The following GALNT9 variants were observed in gnomAD, a reference collection of about 807,000 sequenced individuals.
The protein encoded by GALNT9 is GalNAc transferase 9.
GALNT9 carries 47 observed loss-of-function variants against 63.1 expected under a neutral mutation model. The ratio of observed to expected loss-of-function variants is 0.75; its 90% confidence interval spans 0.59 to 0.95. GALNT9 has a LOEUF of 0.95. Ranked by LOEUF, GALNT9 falls within the 40% of genes least tolerant of loss-of-function variation. GALNT9 has a pLI of 0.00. For missense variants in GALNT9, 829 were observed against 874.8 expected, an observed-to-expected ratio of 0.95 and a Z score of 0.66; for synonymous variants, 396 against 365.7, an observed-to-expected ratio of 1.08 and a Z score of -0.94.
At chr12:132,254,139 G>A (rs28373060) in intron 5 of GALNT9, among the ~76,000 whole-genome samples, 19,517 of 151,372 alleles carry the variant, frequency 0.13, 2,440 homozygotes, top group African/African-American at 0.32. Flanking sequence ...CTCCTGCCTC[G>A]GCCTCCCAAG....
At chr12:132,312,994 A>G (rs1254329852) in intron 1 of GALNT9, among the ~76,000 whole-genome samples, 1 of 151,916 alleles carries the variant, frequency 6.6e-6, no homozygotes, top group African/African-American at 2.4e-5. Context: ...CCCTTTCTCA[A>G]TGCTTGTCTG....
At chr12:132,267,110 A>G (rs28461292) in intron 2 of GALNT9, among the ~76,000 whole-genome samples, 17,818 of 152,148 alleles carry the variant, frequency 0.12, 3,459 homozygotes, top group African/African-American at 0.4. Context: ...GAGGGATGGA[A>G]GTGGGAAAAG....
chr12:132,306,901 G>A (rs1881637651), intron 1 of GALNT9, among the ~76,000 whole-genome samples: 2 of 152,176 alleles, frequency 1.3e-5, no homozygotes, highest in African/African-American at 2.4e-5. Context: ...GGAGCGCACT[G>A]TTCTAATTAC....
chr12:132,291,324 A>AACCACAGCACCCACG (rs1880824425), intron 1 of GALNT9, among the ~76,000 whole-genome samples: 1 of 65,772 alleles, frequency 1.5e-5, no homozygotes, highest in African/African-American at 9.6e-5. Flanking sequence ...CAGCACCCAC[A>AACCACAGCACCCACG]TCCACAGCAC....
chr12:132,291,674 C>T (rs76222564), intron 1 of GALNT9, among the ~76,000 whole-genome samples: 15,432 of 105,472 alleles, frequency 0.15, 956 homozygotes, highest in African/African-American at 0.27. Flanking sequence ...CCCACATCCA[C>T]GGTGCCCACA....
At chr12:132,243,589 G>A (rs1555237723) in intron 6 of GALNT9, among the ~76,000 whole-genome samples, 2 of 152,102 alleles carry the variant, frequency 1.3e-5, no homozygotes, top group African/African-American at 4.8e-5. Flanking sequence ...GGAGACCCCA[G>A]TTCTATTTCT....
chr12:132,225,071 A>C (rs1303423427), intron 6 of GALNT9, among the ~76,000 whole-genome samples: 125 of 91,404 alleles, frequency 1.4e-3, no homozygotes, highest in African/African-American at 4.3e-3. Flanking sequence ...CCACCCCCCC[A>C]CACACAACCC....
At chr12:132,251,301 T>A (rs1279047222) in intron 5 of GALNT9, among the ~76,000 whole-genome samples, 5 of 152,220 alleles carry the variant, frequency 3.3e-5, no homozygotes, top group African/African-American at 1.2e-4. Context: ...AAAGTTAAAA[T>A]TAAAACTGGA....
chr12:132,197,662 G>T lies in GALNT9; in HGVS notation c.1665+130C>A, dbSNP rs11246984. ...TAAGGGAACAGCTGATCCAAGGCCC[G>T]GTCCCCTGACCACCCCCTGCCGCAC... is the stretch of plus-strand genomic sequence containing the variant. On this transcript the variant is annotated intron_variant, in intron 10 of 10. Coordinates refer to ENST00000328957, the MANE Select transcript of GALNT9 (RefSeq NM_001122636.2). The T allele has an allele frequency of 8.2e-4, 582 of 710,590 alleles. 4 individuals carry two copies. The highest frequency in any genetic ancestry group is 2.5e-3 in the Admixed American group (98 of 39,434). The allele number at this position is 710,590 out of a possible 1,614,324, so 44.0% of individuals were successfully genotyped here.
In GALNT9 at chr12:132,316,557, C is replaced by T. The variant is rs1020701238; in HGVS notation, c.238+12409G>A. ...TAACCACCTGTGCTCAGGGAATGGC[C>T]GTCTGAGGTGCGAGGTGCTGCCAGG... On this transcript the variant is annotated intron_variant, in intron 1 of 10. Coordinates refer to ENST00000328957, the MANE Select transcript of GALNT9 (RefSeq NM_001122636.2). This position sits in a 1 kb window ranked among gnomAD's most constrained non-coding sequence, Gnocchi z 4.3. Among the ~76,000 whole-genome samples the T allele has an allele frequency of 6.6e-6, 1 of 152,062 alleles. No homozygotes were observed. The highest frequency in any genetic ancestry group is 1.5e-5 in the Non-Finnish European group (1 of 67,992).
At chr12:132,256,766 T>C (rs1297737976) in intron 5 of GALNT9, among the ~76,000 whole-genome samples, 1 of 152,194 alleles carries the variant, frequency 6.6e-6, no homozygotes, top group Non-Finnish European at 1.5e-5. Flanking sequence ...TTCACAGTCC[T>C]GCCAGCCATG....
At chr12:132,243,291 GGGGCCCTCCCTATACCCATTACACACACA>G (rs1878526895) in intron 6 of GALNT9, among the ~76,000 whole-genome samples, 89 of 101,466 alleles carry the variant, frequency 8.8e-4, no homozygotes, top group African/African-American at 3.7e-3. Context: ...CACACTTCCC[GGGGCCCTCCCTATACCCATTACACACACA>G]CCACACACCC....
At chr12:132,243,911 G>A (rs1555237768) in intron 6 of GALNT9, among the ~76,000 whole-genome samples, 1 of 151,978 alleles carries the variant, frequency 6.6e-6, no homozygotes, top group African/African-American at 2.4e-5. Context: ...TTTTGGAAGA[G>A]TCCCGTGTCC....
chr12:132,262,385 T>G, intron 3 of GALNT9, 74 bp downstream of exon 3: 1 of 1,490,974 alleles, frequency 6.7e-7, no homozygotes, highest in Non-Finnish European at 8.9e-7. Context: ...CCCCGGAGGC[T>G]CCACCCAACC....
chr12:132,202,196 C>T (rs370808135), intron 7 of GALNT9, among the ~76,000 whole-genome samples: 1 of 152,244 alleles, frequency 6.6e-6, no homozygotes, highest in Admixed American at 6.5e-5. Context: ...CCCTTGGACA[C>T]GGAGGTGACA....
At chr12:132,240,564 C>T (rs2136898658) in intron 6 of GALNT9, 2 of 449,574 alleles carry the variant, frequency 4.4e-6, no homozygotes, top group Non-Finnish European at 8.9e-6. Context: ...CAGCTGTGGG[C>T]TCCGTGCGTG....
intron 2 of GALNT9, chr12:132,275,422 CA>C (rs1266051911): frequency 2.0e-5 from 3 of 152,282 alleles, no homozygotes; most frequent in Admixed American, 1.3e-4. Context: ...CAGCCTCTTG[CA>C]GACAGTGGAG....
At position 132,262,124 on chromosome 12, in the gene GALNT9, C is replaced by G. The variant is rs757931673; in HGVS notation, c.586+335G>C. ...GGAAGCAGGGACTTTGTAGATGTAT[C>G]CGGTTGAGTATCTTGAGATGAAATC... On this transcript the variant is annotated intron_variant, in intron 3 of 10. Coordinates refer to ENST00000328957, the MANE Select transcript of GALNT9 (RefSeq NM_001122636.2). Among the ~76,000 whole-genome samples, 243 of 152,322 alleles carry G rather than the reference C, an allele frequency of 1.6e-3. 2 individuals carry two copies. Among genetic ancestry groups the G allele is most frequent in the Non-Finnish European group, 5.6e-4 (38 of 68,026 alleles).
intron 5 of GALNT9, among the ~76,000 whole-genome samples, chr12:132,250,661 T>G (rs543067240): frequency 1.3e-5 from 2 of 152,076 alleles, no homozygotes; most frequent in African/African-American, 2.4e-5. Context: ...CGTGGTGGTG[T>G]GCACCTGTAA....
Sources: allele counts gnomAD v4.1 joint callset (sites outside exome capture counted in the v4.1 genomes callset), GRCh38; gene constraint gnomAD v4.1.1; non-coding constraint Gnocchi (gnomAD v3.1); transcripts MANE v1.5; gene names NCBI Gene and HGNC (gene_info 2026-07-23, HGNC 2026-07-21).